The following SRPK2 variants were observed in gnomAD, a reference collection of about 807,000 sequenced individuals.
The protein encoded by SRPK2 is SFRS protein kinase 2.
Under a neutral mutation model 90.8 loss-of-function variants are expected in SRPK2, and 21 were observed. The ratio of observed to expected loss-of-function variants is 0.23; its 90% CI spans 0.16 to 0.33. The LOEUF (loss-of-function observed/expected upper bound fraction) is 0.33. SRPK2 is among the 10% of genes least tolerant of loss of function. SRPK2 has a pLI of 1.00. For synonymous variants in SRPK2, 288 were observed against 311.1 expected, an observed-to-expected ratio of 0.93 and a Z score of 0.78; for missense variants, 620 against 869.0, an observed-to-expected ratio of 0.71 and a Z score of 3.60.
At chr7:105,285,385 CAAAAAAAA>C (rs58399129) in intron 2 of SRPK2, among the ~76,000 whole-genome samples, 90 of 106,196 alleles carry the variant, frequency 8.5e-4, no homozygotes, top group East Asian at 1.8e-3. Flanking sequence ...ACCCCGTCTC[CAAAAAAAA>C]AAAAAAAAAA....
chr7:105,206,844 T>C (rs1349832630), intron 2 of SRPK2, among the ~76,000 whole-genome samples: 1 of 152,266 alleles, frequency 6.6e-6, no homozygotes, highest in Non-Finnish European at 1.5e-5. Context: ...GGTAGAACTC[T>C]GGACCTTTCA....
chr7:105,237,481 A>T (rs1342085765), intron 2 of SRPK2, among the ~76,000 whole-genome samples: 2 of 152,240 alleles, frequency 1.3e-5, no homozygotes, highest in Admixed American at 6.5e-5. Context: ...AAAACAACTC[A>T]AAGCTCAGAG....
At chr7:105,216,878 G>C (rs1797538150) in intron 2 of SRPK2, among the ~76,000 whole-genome samples, 1 of 152,094 alleles carries the variant, frequency 6.6e-6, no homozygotes, top group Non-Finnish European at 1.5e-5. Flanking sequence ...CATTTCTCTA[G>C]GCTTCTGATG....
chr7:105,246,121 TCTTA>T (rs1389944892), intron 2 of SRPK2, among the ~76,000 whole-genome samples: 1 of 152,200 alleles, frequency 6.6e-6, no homozygotes, highest in Non-Finnish European at 1.5e-5. Context: ...TTAATTCTAT[TCTTA>T]CATAGACCTT....
chr7:105,337,717 G>C (rs1448603541), intron 2 of SRPK2, among the ~76,000 whole-genome samples: 1 of 152,104 alleles, frequency 6.6e-6, no homozygotes, highest in Non-Finnish European at 1.5e-5. Flanking sequence ...GCCAAGAACA[G>C]GGCCCTCCTG....
At chr7:105,286,934 A>G (rs1360381713) in intron 2 of SRPK2, among the ~76,000 whole-genome samples, 1 of 152,198 alleles carries the variant, frequency 6.6e-6, no homozygotes, top group Admixed American at 6.5e-5. Flanking sequence ...CAACTGTCAG[A>G]TGAACTATGG....
chr7:105,190,680 G>A (rs1794171535), intron 3 of SRPK2, among the ~76,000 whole-genome samples: 1 of 152,122 alleles, frequency 6.6e-6, no homozygotes, highest in African/African-American at 2.4e-5. Context: ...ATCAGGTGTG[G>A]CCCAAGGCAC....
chr7:105,390,484 A>G (rs1481920594), upstream of SRPK2, among the ~76,000 whole-genome samples: 5 of 152,076 alleles, frequency 3.3e-5, no homozygotes, highest in African/African-American at 9.7e-5. Flanking sequence ...GCTGGAGTGC[A>G]GTGGCGCAAT....
intron 2 of SRPK2, among the ~76,000 whole-genome samples, chr7:105,280,270 C>T (rs985528336): frequency 1.3e-5 from 2 of 151,858 alleles, no homozygotes; most frequent in African/African-American, 2.4e-5. Flanking sequence ...CAAAAATTAG[C>T]CGGGTGTGGT....
intron 3 of SRPK2, among the ~76,000 whole-genome samples, chr7:105,185,068 A>G (rs1263759274): frequency 2.6e-5 from 4 of 152,240 alleles, no homozygotes; most frequent in African/African-American, 7.2e-5. Context: ...GTATCTGTTC[A>G]AAAACTTTGG....
intron 2 of SRPK2, among the ~76,000 whole-genome samples, chr7:105,207,445 AC>A (rs1252782353): frequency 1.1e-4 from 17 of 152,358 alleles, no homozygotes; most frequent in East Asian, 3.9e-4. Flanking sequence ...ATTAAAAAAA[AC>A]AACTTTCATC....
chr7:105,223,474 T>C (rs1798347308), intron 2 of SRPK2, among the ~76,000 whole-genome samples: 1 of 152,234 alleles, frequency 6.6e-6, no homozygotes, highest in South Asian at 2.1e-4. Flanking sequence ...CCTTGTGTCT[T>C]CTACCCTATA....
intron 3 of SRPK2, among the ~76,000 whole-genome samples, chr7:105,183,232 TACTGA>T (rs1563050308): frequency 6.6e-6 from 1 of 152,222 alleles, no homozygotes; most frequent in East Asian, 1.9e-4. Flanking sequence ...TTCTTCAATA[TACTGA>T]TACTGATTTT....
chr7:105,243,366 G>T (rs1047909969), intron 2 of SRPK2, among the ~76,000 whole-genome samples: 4 of 152,162 alleles, frequency 2.6e-5, no homozygotes, highest in African/African-American at 4.8e-5. Flanking sequence ...AGGAGCCTGA[G>T]ATAGGATCAA....
intron 15 of SRPK2, among the ~76,000 whole-genome samples, chr7:105,121,698 G>GAAA (rs1273580776): frequency 5.9e-5 from 9 of 152,208 alleles, no homozygotes; most frequent in African/African-American, 9.6e-5. Context: ...TCTGAGGAAG[G>GAAA]GTTCCTCCTG....
chr7:105,268,929 A>G, intron 2 of SRPK2: 3 of 1,530,546 alleles, frequency 2.0e-6, no homozygotes, highest in South Asian at 1.2e-5. Context: ...CAAGCCTTAT[A>G]TCAAGAGATT....
intron 2 of SRPK2, among the ~76,000 whole-genome samples, chr7:105,227,220 A>C (rs1798820253): frequency 6.6e-6 from 1 of 152,200 alleles, no homozygotes; most frequent in African/African-American, 2.4e-5. Context: ...ATTGGGGTAC[A>C]GGTAGTATAT....
At chr7:105,243,694 C>T (rs543889390) in intron 2 of SRPK2, among the ~76,000 whole-genome samples, 17 of 150,366 alleles carry the variant, frequency 1.1e-4, no homozygotes, top group Non-Finnish European at 2.1e-4. Flanking sequence ...AAATTTAGGG[C>T]TGTGAAGAAA....
intron 3 of SRPK2, 136 bp from the exon 4 acceptor site, chr7:105,169,401 T>C: frequency 1.5e-6 from 1 of 650,028 alleles, no homozygotes; most frequent in South Asian, 2.0e-5. Flanking sequence ...TGTTTAATAA[T>C]ACAACATTTT....
Sources: gnomAD v4.1 joint callset for allele counts (sites outside exome capture counted in the v4.1 genomes callset) on GRCh38, gnomAD v4.1.1 for gene constraint, MANE v1.5 for transcripts, NCBI Gene and HGNC (gene_info 2026-07-23, HGNC 2026-07-21) for gene names.